OSBPL6: variants seen among roughly 807,000 people sequenced by gnomAD.
The protein encoded by OSBPL6 is oxysterol binding protein like 6, also known as oxysterol-binding protein-related protein 6.
Under a neutral mutation model 125.8 loss-of-function variants are expected in OSBPL6, and 49 were observed. The ratio of observed to expected loss-of-function variants is 0.39; its 90% CI spans 0.31 to 0.49. The LOEUF (loss-of-function observed/expected upper bound fraction) is 0.49. Ranked by LOEUF, OSBPL6 falls within the 20% of genes least tolerant of loss-of-function variation. OSBPL6 has a pLI of 0.88. For missense variants in OSBPL6, 986 were observed against 1,135.4 expected (o/e 0.87, Z 1.89); for synonymous variants, 394 against 391.8 (o/e 1.01, Z -0.07).
intron 17 of OSBPL6, 62 bp from the exon 18 acceptor site, chr2:178,383,977 G>A: frequency 6.4e-7 from 1 of 1,564,760 alleles, no homozygotes; most frequent in Non-Finnish European, 8.8e-7. Flanking sequence ...GAGGGATGAG[G>A]AACAAACAGA....
At chr2:178,320,132 C>A in intron 3 of OSBPL6, 1 of 836,424 alleles carries the variant, frequency 1.2e-6, no homozygotes, top group Non-Finnish European at 1.7e-6. Flanking sequence ...AATCACGTTT[C>A]TCTCCGCGTG....
At chr2:178,388,269 C>T (rs779019106) in intron 20 of OSBPL6, among the ~76,000 whole-genome samples, 22 of 152,082 alleles carry the variant, frequency 1.4e-4, no homozygotes, top group Non-Finnish European at 1.9e-4. Context: ...AGTCTTTTCC[C>T]GAAGAATTAT....
At chr2:178,243,751 C>T (rs1574607000) in intron 1 of OSBPL6, among the ~76,000 whole-genome samples, 2 of 152,320 alleles carry the variant, frequency 1.3e-5, no homozygotes, top group African/African-American at 4.8e-5. Context: ...CCTCCAGGTT[C>T]AAGCGATTCT....
chr2:178,202,156 A>G (rs2089292464), intron 1 of OSBPL6, among the ~76,000 whole-genome samples: 1 of 152,200 alleles, frequency 6.6e-6, no homozygotes, highest in Admixed American at 6.5e-5. Flanking sequence ...TTGAAAAGTT[A>G]TCTTTTAAAG....
At chr2:178,368,005 C>G (rs1046991690) in intron 13 of OSBPL6, among the ~76,000 whole-genome samples, 1 of 152,178 alleles carries the variant, frequency 6.6e-6, no homozygotes, top group African/African-American at 2.4e-5. Context: ...TGCCACTGCT[C>G]ACTCCTCTTG....
At chr2:178,319,972 C>T (rs1182898940) in intron 3 of OSBPL6, among the ~76,000 whole-genome samples, 5 of 152,152 alleles carry the variant, frequency 3.3e-5, no homozygotes, top group African/African-American at 4.8e-5. Flanking sequence ...TTACTACTGT[C>T]CTAAATTTAT....
rs1202934356 is a variant in OSBPL6, at chr2:178,401,106, A to G, written c.*5547A>G. 1 of 152,226 alleles carries G rather than the reference A, an allele frequency of 6.6e-6. No homozygotes were observed. Among genetic ancestry groups the G allele is most frequent in the Non-Finnish European group, 1.5e-5 (1 of 68,040 alleles). The allele number at this position is 152,226 out of a possible 1,614,324, so 9.4% of individuals were successfully genotyped here. A position where few individuals can be genotyped will look rare whatever the true frequency, so the allele number is the denominator to read the frequency against. On this transcript the variant is annotated 3_prime_UTR_variant, in exon 25 of 25. Coordinates refer to ENST00000190611, the MANE Select transcript of OSBPL6 (RefSeq NM_032523.4). ...ATTTCCATGCTTCTGGTGATGTAAC[A>G]CCACTTGGTGGTGGCGCTGAGGAAA...
rs1318717246 is a variant in OSBPL6 at position 178,383,075 on chromosome 2, G to C, written c.1673G>C (p.Cys558Ser). The C allele has an allele frequency of 1.2e-6, 2 of 1,614,200 alleles. No homozygotes were observed. Among genetic ancestry groups the C allele is most frequent in the South Asian group, 2.2e-5 (2 of 91,080 alleles). The stretch of plus-strand genomic sequence containing the variant: ...GCCTTCCGAAATGGGCGTCGAGCAT[G>C]CCTGCCAGCTCCTTGTCCTGACACC... The part of the protein sequence containing the change: ...GGAFRNGRRA[C>S]LPAPCPDTSN... Residue 558 changes from cysteine to serine, a missense_variant, in exon 17 of 25, where the codon TGC (cysteine) becomes TCC (serine). Around this residue, in one of 3 missense-constraint regions of OSBPL6, gnomAD observed 843 missense variants for 997.3 expected, o/e 0.85. Coordinates refer to ENST00000190611, the MANE Select transcript of OSBPL6 (RefSeq NM_032523.4).
intron 5 of OSBPL6, among the ~76,000 whole-genome samples, chr2:178,330,723 C>G (rs1689123879): frequency 6.6e-6 from 1 of 152,128 alleles, no homozygotes; most frequent in Non-Finnish European, 1.5e-5. Flanking sequence ...AGTAATTTGC[C>G]AGGAACAGAA....
chr2:178,355,057 T>C (rs183569127), intron 12 of OSBPL6, among the ~76,000 whole-genome samples: 49 of 152,250 alleles, frequency 3.2e-4, no homozygotes, highest in African/African-American at 1.1e-3. Flanking sequence ...AGACACAACT[T>C]ACCAGAATCT....
chr2:178,292,703 T>C (rs749455623), intron 2 of OSBPL6, among the ~76,000 whole-genome samples: 1 of 152,104 alleles, frequency 6.6e-6, no homozygotes, highest in Non-Finnish European at 1.5e-5. Context: ...GGCACTGTTA[T>C]GGGCCCTGGG....
chr2:178,388,899 G>T, intron 20 of OSBPL6, 110 bp from the exon 21 acceptor site: 1 of 1,114,732 alleles, frequency 9.0e-7, no homozygotes, highest in Non-Finnish European at 1.3e-6. Flanking sequence ...ACAAATGGGA[G>T]GAGAATGAGG....
chr2:178,234,813 T>C (rs904170010), intron 1 of OSBPL6, among the ~76,000 whole-genome samples: 1 of 152,216 alleles, frequency 6.6e-6, no homozygotes, highest in Non-Finnish European at 1.5e-5. Flanking sequence ...ACCCATTTGC[T>C]TGGGCCCCAC....
At chr2:178,313,004 T>C (rs149916027) in intron 3 of OSBPL6, among the ~76,000 whole-genome samples, 51 of 152,048 alleles carry the variant, frequency 3.4e-4, no homozygotes, top group African/African-American at 1.2e-3. Context: ...CAAGCAATTA[T>C]CCTGCCTCAG....
intron 14 of OSBPL6, among the ~76,000 whole-genome samples, chr2:178,373,053 C>A (rs7580795): frequency 0.56 from 85,270 of 151,898 alleles, 24,332 homozygotes; most frequent in East Asian, 0.88. Flanking sequence ...CATATTTGTA[C>A]CAAAAACATA....
intron 1 of OSBPL6, among the ~76,000 whole-genome samples, chr2:178,219,752 T>C (rs1174755767): frequency 6.6e-6 from 1 of 152,178 alleles, no homozygotes. Flanking sequence ...TATTCAGAGG[T>C]TCCAGTGGTA....
intron 1 of OSBPL6, among the ~76,000 whole-genome samples, chr2:178,201,376 C>CTTAT (rs1206183730): frequency 1.3e-4 from 19 of 151,992 alleles, no homozygotes; most frequent in South Asian, 2.1e-4. Context: ...GACATATTTT[C>CTTAT]TTATTTATTT....
chr2:178,196,609 A>C (rs140762959), intron 1 of OSBPL6, among the ~76,000 whole-genome samples: 1 of 152,328 alleles, frequency 6.6e-6, no homozygotes, highest in African/African-American at 2.4e-5. Context: ...GGAGAAAAAT[A>C]AAGTCCTTCC....
chr2:178,380,720 A>T (rs1433188150), intron 15 of OSBPL6, among the ~76,000 whole-genome samples: 1 of 152,192 alleles, frequency 6.6e-6, no homozygotes, highest in Admixed American at 6.5e-5. Flanking sequence ...ATTTACAAGG[A>T]TGTTCATCCA....
Sources: allele counts gnomAD v4.1 joint callset (sites outside exome capture counted in the v4.1 genomes callset), GRCh38; gene constraint gnomAD v4.1.1; regional missense constraint gnomAD v4.1.1; transcripts MANE v1.5; gene names NCBI Gene and HGNC (gene_info 2026-07-23, HGNC 2026-07-21).